CDC5L: variants seen among roughly 807,000 people sequenced by gnomAD.
The protein encoded by CDC5L is cell division cycle 5 like, also known as cell division cycle 5-like protein.
In CDC5L, 18 loss-of-function variants were observed where a neutral mutation model predicts 104.1. The ratio of observed to expected loss-of-function variants is 0.17; its 90% CI spans 0.12 to 0.26. The LOEUF (loss-of-function observed/expected upper bound fraction) is 0.26, where lower values mean the gene tolerates loss of function less well. Among genes scored for constraint, CDC5L ranks in the 10% least tolerant of loss-of-function variants. The probability of loss-of-function intolerance (pLI) is 1.00; values close to 1 mark genes in which losing one functional copy is unlikely to be tolerated. For missense variants in CDC5L, 673 were observed against 956.9 expected, an observed-to-expected ratio of 0.70 and a Z score of 3.91; for synonymous variants, 331 against 322.7, an observed-to-expected ratio of 1.03 and a Z score of -0.28.
chr6:44,418,907 C>G (rs941601436), intron 8 of CDC5L, among the ~76,000 whole-genome samples: 7 of 140,486 alleles, frequency 5.0e-5, no homozygotes, highest in Non-Finnish European at 7.6e-5. Context: ...AGCTCTTTGT[C>G]AGATGAGTAG....
At position 44,445,832 on chromosome 6, in the gene CDC5L, A is replaced by C. The variant is rs1364503093; in HGVS notation, c.2269A>C (p.Lys757Gln). 6.2e-7 allele frequency: 1 copy of C among 1,613,960 alleles called. No homozygotes were observed. Reference sequence around the variant, plus strand: ...GTTACGCACTTTTGAAGAACTCAAGAAACATGAAGATTCTGCTATTCCCCG... The same window carrying C: ...GTTACGCACTTTTGAAGAACTCAAGCAACATGAAGATTCTGCTATTCCCCG... ...LELRTFEELK[K>Q]HEDSAIPRRL... is the part of the protein sequence containing the mutation. Residue 757 changes from lysine to glutamine, a missense_variant, in exon 15 of 16, where the codon AAA (lysine) becomes CAA (glutamine). Lys to Gln is a moderately conservative substitution (Grantham distance 53). Around this residue, in one of 4 missense-constraint regions of CDC5L, gnomAD observed 578 missense variants for 737.0 expected, o/e 0.78. Transcript: ENST00000371477.
intron 8 of CDC5L, among the ~76,000 whole-genome samples, chr6:44,413,495 A>C (rs962083315): frequency 6.6e-6 from 1 of 152,178 alleles, no homozygotes; most frequent in Non-Finnish European, 1.5e-5. Context: ...TCTTGCATAG[A>C]TACCTAGGAA....
chr6:44,425,964 C>T, intron 11 of CDC5L, 139 bp from the exon 12 acceptor site: 1 of 526,722 alleles, frequency 1.9e-6, no homozygotes, highest in Non-Finnish European at 3.4e-6. Context: ...CTTAGCATTG[C>T]CTTTCTACAA....
chr6:44,413,792 C>T (rs1434573658), intron 8 of CDC5L, among the ~76,000 whole-genome samples: 1 of 152,090 alleles, frequency 6.6e-6, no homozygotes, highest in African/African-American at 2.4e-5. Flanking sequence ...ACTGTGTCGC[C>T]CAGGCTGGTC....
At chr6:44,418,739 G>A (rs1792015466) in intron 8 of CDC5L, among the ~76,000 whole-genome samples, 2 of 152,044 alleles carry the variant, frequency 1.3e-5, no homozygotes, top group South Asian at 4.1e-4. Flanking sequence ...TTTCTCTGAT[G>A]GCCAGTGATG....
chr6:44,415,091 G>A (rs1435788345), intron 8 of CDC5L, among the ~76,000 whole-genome samples: 1 of 152,150 alleles, frequency 6.6e-6, no homozygotes, highest in Non-Finnish European at 1.5e-5. Flanking sequence ...GACCATTAAT[G>A]TAAGGGTTTA....
chr6:44,434,283 T>A (rs74731678), intron 14 of CDC5L, among the ~76,000 whole-genome samples: 5,172 of 152,278 alleles, frequency 0.034, 179 homozygotes, highest in African/African-American at 0.087. Context: ...TTACTGTCCT[T>A]ATAAAGGTTT....
chr6:44,436,003 C>T (rs2153383209), intron 14 of CDC5L, among the ~76,000 whole-genome samples: 1 of 152,178 alleles, frequency 6.6e-6, no homozygotes, highest in South Asian at 2.1e-4. Context: ...GTCTTGAACT[C>T]CTGACCTCAA....
At chr6:44,406,559 G>A (rs1385090551) in intron 7 of CDC5L, 92 bp downstream of exon 7, 16 of 1,117,050 alleles carry the variant, frequency 1.4e-5, no homozygotes, top group Non-Finnish European at 2.0e-5. Context: ...TACCAGGTTT[G>A]TGCTGGATGC....
At chr6:44,417,269 A>C (rs924948398) in intron 8 of CDC5L, among the ~76,000 whole-genome samples, 9 of 151,964 alleles carry the variant, frequency 5.9e-5, no homozygotes, top group South Asian at 2.1e-4. Context: ...CTCAGCTGGG[A>C]ATGTGGAGTG....
At chr6:44,422,523 A>C in intron 9 of CDC5L, 124 bp from the exon 10 acceptor site, 1 of 697,702 alleles carries the variant, frequency 1.4e-6, no homozygotes. Context: ...GCTGGACAGA[A>C]TTTTGAAATC....
chr6:44,405,009 A>G (rs1791302366), intron 6 of CDC5L, among the ~76,000 whole-genome samples: 1 of 152,128 alleles, frequency 6.6e-6, no homozygotes, highest in South Asian at 2.1e-4. Flanking sequence ...AGTCTTTTCT[A>G]GTGAAAAATT....
chr6:44,425,111 A>G (rs940334683), intron 11 of CDC5L, among the ~76,000 whole-genome samples: 1 of 152,170 alleles, frequency 6.6e-6, no homozygotes, highest in Non-Finnish European at 1.5e-5. Flanking sequence ...TTGTACTAAT[A>G]TATCTTATAC....
rs11571967 is a variant in CDC5L at position 44,408,847 on chromosome 6, A to T, written c.1092+215A>T. ...ATTTTCACATTTATTAAAATTCGTA[A>T]TTTTTTGAAGCCAGCCCTTCTACCT... On this transcript the variant is annotated intron_variant, in intron 8 of 15. Coordinates refer to ENST00000371477, the MANE Select transcript of CDC5L (RefSeq NM_001253.4). Among the ~76,000 whole-genome samples the T allele has an allele frequency of 7.9e-3, 1,206 of 152,222 alleles. 21 individuals carry two copies. The highest frequency in any genetic ancestry group is 0.028 in the African/African-American group (1,152 of 41,530).
Position 44,424,522 on chromosome 6 carries a change from A to G in CDC5L, c.1508A>G (p.Glu503Gly). ...VLPENAEKEL[E>G]EREIDDTYIE... ...CCAGAAAATGCCGAGAAGGAGCTGG[A>G]AGAACGTGAAATAGATGATACTTAC... Residue 503 changes from glutamate to glycine, a missense_variant, in exon 11 of 16, where the codon GAA (glutamate) becomes GGA (glycine). Coordinates refer to ENST00000371477, the MANE Select transcript of CDC5L (RefSeq NM_001253.4). 6.2e-7 allele frequency: 1 copy of G among 1,613,974 alleles called. No individual in the cohort carries two copies. Among genetic ancestry groups the G allele is most frequent in the Non-Finnish European group, 8.5e-7 (1 of 1,179,916 alleles).
chr6:44,422,667 A>C lies in CDC5L; in HGVS notation c.1262A>C (p.Glu421Ala). 6.2e-7 allele frequency: 1 copy of C among 1,610,510 alleles called. No homozygotes were observed. Among genetic ancestry groups the C allele is most frequent in the Non-Finnish European group, 8.5e-7 (1 of 1,178,334 alleles). ...TPFRTPSNGA[E>A]GLTPRSGTTP... is the part of the protein sequence containing the mutation. ...TCTAGGACTCCTTCTAATGGAGCTG[A>C]AGGGCTGACTCCCCGGAGTGGAACA... Residue 421 changes from glutamate (E) to alanine (A), a missense_variant, in exon 10 of 16, where the codon GAA (glutamate) becomes GCA (alanine). Glu to Ala is a moderately radical substitution (Grantham distance 107, BLOSUM62 -1). Around this residue, in one of 4 missense-constraint regions of CDC5L, gnomAD observed 578 missense variants for 737.0 expected, o/e 0.78. Coordinates refer to ENST00000371477, the MANE Select transcript of CDC5L (RefSeq NM_001253.4).
chr6:44,398,412 T>C (rs1790969860), intron 5 of CDC5L, among the ~76,000 whole-genome samples: 1 of 152,218 alleles, frequency 6.6e-6, no homozygotes, highest in South Asian at 2.1e-4. Flanking sequence ...TGGCTAGCAT[T>C]GATTGCTTTA....
chr6:44,404,011 G>C lies in CDC5L; in HGVS notation c.742G>C (p.Asp248His). 6.2e-7 allele frequency: 1 copy of C among 1,609,360 alleles called. No individual in the cohort carries two copies. The highest frequency in any genetic ancestry group is 8.5e-7 in the Non-Finnish European group (1 of 1,178,712). Residue 248 changes from aspartate (D) to histidine (H), a missense_variant, in exon 6 of 16, where the codon GAT becomes CAT. Around this residue, in one of 4 missense-constraint regions of CDC5L, gnomAD observed 578 missense variants for 737.0 expected, o/e 0.78. Coordinates refer to ENST00000371477, the MANE Select transcript of CDC5L (RefSeq NM_001253.4). ...DFRKLRQQDLDGELRSEKEGR... is the reference protein window; with the variant it reads ...DFRKLRQQDLHGELRSEKEGR... Reference sequence around the variant, plus strand: ...CAGGAAATTAAGACAACAGGATCTTGATGGGGAGCTAAGATCGTAAGTTGC... The same window carrying C: ...CAGGAAATTAAGACAACAGGATCTTCATGGGGAGCTAAGATCGTAAGTTGC...
At chr6:44,445,417 C>T (rs931182467) in intron 14 of CDC5L, among the ~76,000 whole-genome samples, 5 of 152,128 alleles carry the variant, frequency 3.3e-5, no homozygotes, top group Admixed American at 6.5e-5. Flanking sequence ...GAAGTTCAAT[C>T]GTGGGTCAAA....
Sources: allele counts gnomAD v4.1 joint callset (sites outside exome capture counted in the v4.1 genomes callset), GRCh38; gene constraint gnomAD v4.1.1; regional missense constraint gnomAD v4.1.1; transcripts MANE v1.5; gene names NCBI Gene and HGNC (gene_info 2026-07-23, HGNC 2026-07-21).